The following PARD3 variants were observed in gnomAD, a reference collection of about 807,000 sequenced individuals.
PARD3 encodes par-3 family cell polarity regulator.
PARD3 carries 75 observed loss-of-function variants against 155.4 expected under a neutral mutation model. The observed-to-expected ratio is 0.48, with a 90% CI of 0.40 to 0.58. PARD3 has a LOEUF of 0.58. PARD3 is among the 20% of genes least tolerant of loss of function. PARD3 has a pLI of 0.00. For missense variants in PARD3, 1,642 were observed against 1,721.7 expected (o/e 0.95, Z 0.82); for synonymous variants, 576 against 610.5 (o/e 0.94, Z 0.83).
chr10:34,501,277 C>T (rs1302776357), intron 3 of PARD3, among the ~76,000 whole-genome samples: 1 of 152,120 alleles, frequency 6.6e-6, no homozygotes, highest in African/African-American at 2.4e-5. Context: ...ACAATGAGTT[C>T]TCAGGATATC....
At position 34,678,270 on chromosome 10, in the gene PARD3, C is replaced by T. The variant is rs1444715081; in HGVS notation, c.222+18048G>A. On this transcript the variant is annotated intron_variant, in intron 2 of 24. Coordinates refer to ENST00000374788, the MANE Select transcript of PARD3 (RefSeq NM_001184785.2). ...TGTATTTTTTGTAGAGACGGGGTTT[C>T]ACCATGTTGCCCAGGCTGGTCTCAA... Among the ~76,000 whole-genome samples, 3 of 152,022 alleles carry T rather than the reference C, an allele frequency of 2.0e-5. No homozygotes were observed. In the East Asian group the frequency reaches 5.8e-4, roughly 29 times the overall value.
intron 20 of PARD3, among the ~76,000 whole-genome samples, chr10:34,288,839 A>C (rs1589065227): frequency 6.6e-6 from 1 of 152,224 alleles, no homozygotes; most frequent in East Asian, 1.9e-4. Context: ...TCTGACTCAC[A>C]CAAACGTTCA....
intron 3 of PARD3, among the ~76,000 whole-genome samples, chr10:34,486,596 C>T (rs1180184082): frequency 6.6e-6 from 1 of 152,202 alleles, no homozygotes; most frequent in East Asian, 1.9e-4. Flanking sequence ...GGTGACAAAG[C>T]AAACAAGGTA....
chr10:34,320,469 A>G (rs1388347949), intron 19 of PARD3, among the ~76,000 whole-genome samples: 1 of 152,224 alleles, frequency 6.6e-6, no homozygotes, highest in Non-Finnish European at 1.5e-5. Flanking sequence ...ATTATCATAA[A>G]TCATGAATGG....
At chr10:34,699,701 A>G (rs1289747428) in intron 1 of PARD3, among the ~76,000 whole-genome samples, 1 of 152,200 alleles carries the variant, frequency 6.6e-6, no homozygotes. Context: ...ATGATGGCTC[A>G]TCCCTGTAAT....
chr10:34,371,486 C>CAAAAAAAAAAAAAAAAA (rs968034029), intron 12 of PARD3, among the ~76,000 whole-genome samples: 1 of 22,752 alleles, frequency 4.4e-5, no homozygotes, highest in Non-Finnish European at 8.5e-5. Flanking sequence ...ATTCTAGACT[C>CAAAAAAAAAAAAAAAAA]AAAAAAAAAA....
At chr10:34,584,221 C>T (rs1318137736) in intron 2 of PARD3, among the ~76,000 whole-genome samples, 2 of 152,160 alleles carry the variant, frequency 1.3e-5, no homozygotes, top group South Asian at 2.1e-4. Flanking sequence ...ACCTTACCTT[C>T]CTCTTTGTCC....
intron 15 of PARD3, chr10:34,346,519 C>T: frequency 1.5e-6 from 2 of 1,314,100 alleles, no homozygotes; most frequent in Non-Finnish European, 1.0e-6. Context: ...TGCACACTCT[C>T]TCTCTCTCAA....
In PARD3 at chr10:34,636,832, C is replaced by T. The variant is rs140229718; in HGVS notation, c.222+59486G>A. 1.2e-4 allele frequency among the ~76,000 whole-genome samples: 18 copies of T among 152,210 alleles called. No homozygotes were observed. The East Asian group carries it at 1.9e-3, about 16-fold the overall frequency. ...CACAGCTGCACACGACAGCAATGCA[C>T]GGCTTATAAAAAATAAGCACGAAAC... On this transcript the variant is annotated intron_variant, in intron 2 of 24. Coordinates refer to ENST00000374788, the MANE Select transcript of PARD3 (RefSeq NM_001184785.2).
intron 1 of PARD3, among the ~76,000 whole-genome samples, chr10:34,791,116 G>A (rs1331281116): frequency 6.6e-6 from 1 of 152,200 alleles, no homozygotes; most frequent in East Asian, 1.9e-4. Context: ...AAATATGACT[G>A]TTTCCAGTAA....
At chr10:34,506,787 T>C (rs1487114576) in intron 3 of PARD3, among the ~76,000 whole-genome samples, 2 of 152,220 alleles carry the variant, frequency 1.3e-5, no homozygotes, top group Non-Finnish European at 2.9e-5. Context: ...AATCACCATG[T>C]TAATGGCCAT....
chr10:34,657,528 TTTTGTTTGTTTG>T (rs113292161), intron 2 of PARD3, among the ~76,000 whole-genome samples: 2 of 150,236 alleles, frequency 1.3e-5, no homozygotes, highest in African/African-American at 4.9e-5. Flanking sequence ...CTCAGTTTTG[TTTTGTTTGTTTG>T]TTTGTTTGTT....
At chr10:34,123,838 G>C (rs1479222553) in intron 23 of PARD3, among the ~76,000 whole-genome samples, 1 of 152,036 alleles carries the variant, frequency 6.6e-6, no homozygotes, top group Non-Finnish European at 1.5e-5. Flanking sequence ...ATATTTAATA[G>C]ACAGTTAACA....
intron 1 of PARD3, among the ~76,000 whole-genome samples, chr10:34,750,459 TCAAACACACA>T (rs1361191316): frequency 9.4e-6 from 1 of 106,324 alleles, no homozygotes; most frequent in African/African-American, 3.8e-5. Flanking sequence ...TTTCTCTCTT[TCAAACACACA>T]CACACACACA....
In PARD3 at chr10:34,385,786, A is replaced by G. The variant is rs189727294; in HGVS notation, c.891-1532T>C. On this transcript the variant is annotated intron_variant, in intron 7 of 24. Coordinates refer to ENST00000374788, the MANE Select transcript of PARD3 (RefSeq NM_001184785.2). ...CTTATATACATACCTTATCTCTATT[A>G]GTGGACTATAAGCTCCTAGCAGACA... Among the ~76,000 whole-genome samples, 3 of 152,318 alleles carry G rather than the reference A, an allele frequency of 2.0e-5. No homozygotes were observed. The East Asian group carries it at 5.8e-4, about 29-fold the overall frequency.
chr10:34,692,684 G>A (rs978337145), intron 2 of PARD3, among the ~76,000 whole-genome samples: 10 of 152,142 alleles, frequency 6.6e-5, no homozygotes, highest in Non-Finnish European at 1.3e-4. Context: ...AGACCAGTCT[G>A]GCCAACGTGA....
chr10:34,708,743 A>G (rs548649830), intron 1 of PARD3, among the ~76,000 whole-genome samples: 3 of 152,318 alleles, frequency 2.0e-5, no homozygotes, highest in South Asian at 4.1e-4. Flanking sequence ...TCTAGATCAA[A>G]AAGATTAAGG....
intron 1 of PARD3, among the ~76,000 whole-genome samples, chr10:34,714,412 G>A (rs181934471): frequency 2.0e-4 from 31 of 152,300 alleles, no homozygotes; most frequent in Non-Finnish European, 2.8e-4. Context: ...TGGACAAACA[G>A]TTATCCAACT....
intron 22 of PARD3, 126 bp downstream of exon 22, chr10:34,269,531 C>T: frequency 1.0e-6 from 1 of 998,604 alleles, no homozygotes; most frequent in South Asian, 1.7e-5. Flanking sequence ...TTAGACACAA[C>T]AGCTTTTTAA....
Sources: gnomAD v4.1 joint callset for allele counts (sites outside exome capture counted in the v4.1 genomes callset) on GRCh38, gnomAD v4.1.1 for gene constraint, MANE v1.5 for transcripts, NCBI Gene and HGNC (gene_info 2026-07-23, HGNC 2026-07-21) for gene names.